The following TARBP1 variants were observed in gnomAD, a reference collection of about 807,000 sequenced individuals.
The protein encoded by TARBP1 is tRNA guanosine 2 -O-methyltransferase TARBP1.
TARBP1 carries 144 observed loss-of-function variants against 178.6 expected under a neutral mutation model. The ratio of observed to expected loss-of-function variants is 0.81; its 90% CI spans 0.70 to 0.93. The LOEUF is 0.93. Ranked by LOEUF, TARBP1 falls within the 40% of genes least tolerant of loss-of-function variation. TARBP1 has a pLI of 0.00. For missense variants in TARBP1, 2,067 were observed against 2,011.7 expected (o/e 1.03, Z -0.53); for synonymous variants, 787 against 781.0 (o/e 1.01, Z -0.13).
chr1:234,468,026 T>A (rs1347567107), intron 3 of TARBP1, among the ~76,000 whole-genome samples: 1 of 152,060 alleles, frequency 6.6e-6, no homozygotes, highest in Admixed American at 6.5e-5. Flanking sequence ...TGATCCTCCA[T>A]CCTCGGCCTG....
intron 10 of TARBP1, 31 bp downstream of exon 10, chr1:234,450,397 T>G: frequency 6.5e-7 from 1 of 1,539,508 alleles, no homozygotes; most frequent in Non-Finnish European, 8.7e-7. Context: ...ATTTTGGTTA[T>G]ATCAATCCAT....
rs1179006911 is a variant in TARBP1 at position 234,478,148 on chromosome 1, G to A, written c.931+25C>T. On this transcript the variant is annotated intron_variant, in intron 1 of 29. Transcript: ENST00000040877. The stretch of plus-strand genomic sequence containing the variant: ...TGGGGCAGCCAAGTAGGTAGCACTA[G>A]GCTGGGGGGCAAAGAGGCAGGTACC... The A allele has an allele frequency of 2.5e-6, 4 of 1,606,448 alleles. No homozygotes were observed. In the East Asian group the frequency reaches 9.1e-5, roughly 37 times the overall value.
At chr1:234,432,584 G>GA (rs1289376022) in intron 14 of TARBP1, among the ~76,000 whole-genome samples, 2 of 152,208 alleles carry the variant, frequency 1.3e-5, no homozygotes, top group African/African-American at 4.8e-5. Context: ...ACCTCTAAGA[G>GA]AAAAGAGATT....
In TARBP1 at chr1:234,452,561, C is replaced by A. The variant is rs554045792; in HGVS notation, c.1723-1995G>T. 1.2e-4 allele frequency among the ~76,000 whole-genome samples: 18 copies of A among 152,276 alleles called. No homozygotes were observed. The South Asian group carries it at 3.7e-3, about 32-fold the overall frequency. ...GAGTGGCTAAAATCCAGAACGCTGA[C>A]AAACCAAATGCTGAAGAGAATGTGG... On this transcript the variant is annotated intron_variant, in intron 9 of 29. Coordinates refer to ENST00000040877, the MANE Select transcript of TARBP1 (RefSeq NM_005646.4).
chr1:234,421,896 G>A (rs567546800), intron 20 of TARBP1, among the ~76,000 whole-genome samples: 69 of 152,216 alleles, frequency 4.5e-4, no homozygotes, highest in South Asian at 3.1e-3. Context: ...TAACTTCTCT[G>A]ACCTTTCTTC....
intron 1 of TARBP1, among the ~76,000 whole-genome samples, chr1:234,475,149 G>A (rs1453781715): frequency 6.6e-6 from 1 of 152,204 alleles, no homozygotes; most frequent in South Asian, 2.1e-4. Flanking sequence ...GAGAGACTGT[G>A]GCCAGGGCAG....
At chr1:234,411,284 T>C (rs945822841) in intron 22 of TARBP1, among the ~76,000 whole-genome samples, 3 of 152,204 alleles carry the variant, frequency 2.0e-5, no homozygotes, top group Non-Finnish European at 2.9e-5. Flanking sequence ...TATTAAAGTA[T>C]ATGGGAGGAT....
At chr1:234,471,476 G>T (rs1358351146) in intron 2 of TARBP1, among the ~76,000 whole-genome samples, 1 of 152,176 alleles carries the variant, frequency 6.6e-6, no homozygotes, top group Non-Finnish European at 1.5e-5. Context: ...CTACATTAAA[G>T]TCTACCATTT....
At position 234,478,982 on chromosome 1, in the gene TARBP1, TGCA is replaced by T. The variant is rs758976746; in HGVS notation, c.119_121del (p.Leu40del). ...GCGCGCCTCCTCGTCCTCGAGCCGC[TGCA>T]GAAGGAAGCGCAGCGTCTCCACGCG... On this transcript the variant is annotated inframe_deletion, in exon 1 of 30. Coordinates refer to ENST00000040877, the MANE Select transcript of TARBP1 (RefSeq NM_005646.4). The T allele has an allele frequency of 1.3e-5, 20 of 1,488,590 alleles. No individual in the cohort carries two copies. Among genetic ancestry groups the T allele is most frequent in the Non-Finnish European group, 1.8e-5 (20 of 1,129,462 alleles). The allele number at this position is 1,488,590 out of a possible 1,614,324, so 92.2% of individuals were successfully genotyped here.
chr1:234,444,499 AG>A (rs1229887749), intron 12 of TARBP1, among the ~76,000 whole-genome samples: 1 of 152,208 alleles, frequency 6.6e-6, no homozygotes, highest in Non-Finnish European at 1.5e-5. Flanking sequence ...CACAGGCTGG[AG>A]GAAAACACAG....
Position 234,471,162 on chromosome 1 carries a change from AAAAAT to A in TARBP1, c.1099+21_1099+25del, listed in dbSNP as rs754412620. ...CAGGGGAAAACCATAAATGTTATTA[AAAAAT>A]AAAATAAAAGTAATCGTTACCATTT... On this transcript the variant is annotated intron_variant, in intron 3 of 29. Coordinates refer to ENST00000040877, the MANE Select transcript of TARBP1 (RefSeq NM_005646.4). The A allele has an allele frequency of 5.2e-6, 8 of 1,528,784 alleles. No individual in the cohort carries two copies. The African/African-American group carries it at 5.6e-5, about 11-fold the overall frequency. 94.7% of individuals were successfully genotyped at this position (1,528,784 alleles called of 1,614,324 possible).
At chr1:234,419,180 AT>A (rs1433384296) in intron 21 of TARBP1, among the ~76,000 whole-genome samples, 20 of 151,968 alleles carry the variant, frequency 1.3e-4, no homozygotes, top group African/African-American at 4.8e-4. Context: ...CTCAAAAAAA[AT>A]AAAAATAAAA....
intron 23 of TARBP1, among the ~76,000 whole-genome samples, chr1:234,409,455 A>G (rs544869378): frequency 2.0e-5 from 3 of 152,240 alleles, no homozygotes; most frequent in African/African-American, 2.4e-5. Context: ...TTTGCGGCAC[A>G]TATTTAAAAC....
intron 3 of TARBP1, among the ~76,000 whole-genome samples, chr1:234,469,718 C>T (rs1668851418): frequency 6.6e-6 from 1 of 152,250 alleles, no homozygotes; most frequent in Non-Finnish European, 1.5e-5. Context: ...CACTATTGGG[C>T]TGCATTTAGC....
intron 24 of TARBP1, 95 bp from the exon 25 acceptor site, chr1:234,401,357 T>A (rs1660663875): frequency 1.1e-6 from 1 of 904,728 alleles, no homozygotes; most frequent in African/African-American, 1.7e-5. Flanking sequence ...GCTGCAGAGT[T>A]GAGAAGGAAC....
At chr1:234,410,626 C>A in intron 22 of TARBP1, 95 bp from the exon 23 acceptor site, 1 of 744,508 alleles carries the variant, frequency 1.3e-6, no homozygotes, top group Admixed American at 3.0e-5. Flanking sequence ...GGGCCCAGGA[C>A]AGGAGGCAGC....
chr1:234,472,883 C>T lies in TARBP1; in HGVS notation c.932-72G>A. 9.8e-6 allele frequency: 11 copies of T among 1,122,948 alleles called. No homozygotes were observed. The South Asian group carries it at 1.4e-4, about 14-fold the overall frequency. The allele number at this position is 1,122,948 out of a possible 1,614,324, so 69.6% of individuals were successfully genotyped here. ...CATAAGTTTCTCAATGACAGCAGTTCTTAAAATAATGCCACTATTACCAAA... is the reference window on the plus strand; with the variant it reads ...CATAAGTTTCTCAATGACAGCAGTTTTTAAAATAATGCCACTATTACCAAA... On this transcript the variant is annotated intron_variant, in intron 1 of 29. Coordinates refer to ENST00000040877, the MANE Select transcript of TARBP1 (RefSeq NM_005646.4).
chr1:234,453,515 T>C (rs773797836), intron 9 of TARBP1, among the ~76,000 whole-genome samples: 10 of 151,840 alleles, frequency 6.6e-5, no homozygotes, highest in Non-Finnish European at 1.5e-4. Flanking sequence ...TTGTTTAATT[T>C]TTCTGGAAAC....
intron 23 of TARBP1, chr1:234,406,341 T>C: frequency 2.0e-6 from 1 of 497,586 alleles, no homozygotes; most frequent in Non-Finnish European, 3.6e-6. Context: ...GCAGTACATT[T>C]CCCCCCGCCC....
Sources: allele counts gnomAD v4.1 joint callset (sites outside exome capture counted in the v4.1 genomes callset), GRCh38; gene constraint gnomAD v4.1.1; transcripts MANE v1.5; gene names NCBI Gene and HGNC (gene_info 2026-07-23, HGNC 2026-07-21).